KALRN: variants seen among roughly 807,000 people sequenced by gnomAD.
KALRN encodes the protein kalirin RhoGEF kinase, also known as kalirin.
Under a neutral mutation model 353.7 loss-of-function variants are expected in KALRN, and 70 were observed. The ratio of observed to expected loss-of-function variants is 0.20; its 90% CI spans 0.16 to 0.24. The LOEUF is 0.24. Among genes scored for constraint, KALRN ranks in the 10% least tolerant of loss-of-function variants. KALRN has a pLI of 1.00. For synonymous variants in KALRN, 1,391 were observed against 1,434.8 expected (o/e 0.97, Z 0.69); for missense variants, 2,791 against 3,756.7 (o/e 0.74, Z 6.72).
chr3:124,503,982 C>T (rs1178071197), intron 33 of KALRN, among the ~76,000 whole-genome samples: 1 of 152,154 alleles, frequency 6.6e-6, no homozygotes, highest in Non-Finnish European at 1.5e-5. Flanking sequence ...TCTGCAAAAG[C>T]AAGTAAGTTT....
intron 10 of KALRN, among the ~76,000 whole-genome samples, chr3:124,380,189 G>A (rs1560743672): frequency 6.6e-6 from 1 of 152,114 alleles, no homozygotes; most frequent in Non-Finnish European, 1.5e-5. Context: ...CCCACCCCTT[G>A]CCTTTAAAAA....
At chr3:124,142,660 G>A (rs1237448084) in intron 1 of KALRN, among the ~76,000 whole-genome samples, 5 of 152,036 alleles carry the variant, frequency 3.3e-5, no homozygotes, top group East Asian at 1.9e-4. Flanking sequence ...GAGCGGCTCC[G>A]TGGGGAGAGG....
intron 15 of KALRN, among the ~76,000 whole-genome samples, chr3:124,424,950 C>T (rs2092949395): frequency 6.6e-6 from 1 of 152,204 alleles, no homozygotes; most frequent in Admixed American, 6.5e-5. Flanking sequence ...CAAGGTCCTA[C>T]AGTTTGCCTC....
chr3:124,297,483 G>T (rs2076936247), intron 5 of KALRN, among the ~76,000 whole-genome samples: 1 of 152,216 alleles, frequency 6.6e-6, no homozygotes, highest in Non-Finnish European at 1.5e-5. Flanking sequence ...GGAGCCTCGA[G>T]CTGTGGCACA....
intron 1 of KALRN, among the ~76,000 whole-genome samples, chr3:124,056,100 A>G (rs1458735446): frequency 6.6e-6 from 1 of 152,248 alleles, no homozygotes; most frequent in Non-Finnish European, 1.5e-5. Context: ...TTCAAGCATC[A>G]GGACTTTTAA....
Position 124,658,448 on chromosome 3 carries a change from C to T in KALRN, c.6054C>T (p.Ile2018=), listed in dbSNP as rs778300301. The change falls in exon 42 of 60, where the codon ATC becomes ATT. Residue 2018 remains isoleucine, a synonymous_variant. Coordinates refer to ENST00000682506, the MANE Select transcript of KALRN (RefSeq NM_001388419.1). ...LFIKHERKLH[I]YVWYCQNKPR... ...TCTTTCAGGAGCGGAAGCTGCACAT[C>T]TACGTGTGGTATTGTCAGAATAAGC... The T allele has an allele frequency of 6.2e-6, 10 of 1,613,520 alleles. No individual in the cohort carries two copies. The highest frequency in any genetic ancestry group is 5.0e-5 in the Admixed American group (3 of 60,008).
chr3:124,617,635 T>C lies in KALRN; in HGVS notation c.5183-14785T>C, dbSNP rs1395611047. Among the ~76,000 whole-genome samples, 4 of 152,168 alleles carry C rather than the reference T, an allele frequency of 2.6e-5. No homozygotes were observed. The South Asian group carries it at 8.3e-4, about 32-fold the overall frequency. On this transcript the variant is annotated intron_variant, in intron 34 of 59. Coordinates refer to ENST00000682506, the MANE Select transcript of KALRN (RefSeq NM_001388419.1). ...TTATAGGACACTGGTCTTCAAACTC[T>C]GGTGCACATCAGAATTACTTGGGGA...
intron 56 of KALRN, among the ~76,000 whole-genome samples, chr3:124,701,107 C>G (rs1184784127): frequency 1.3e-5 from 2 of 152,168 alleles, no homozygotes; most frequent in Admixed American, 1.3e-4. Context: ...CTCACTTGCT[C>G]CAGCCCCGGA....
intron 11 of KALRN, among the ~76,000 whole-genome samples, chr3:124,393,292 A>G (rs2089729623): frequency 6.6e-6 from 1 of 151,938 alleles, no homozygotes; most frequent in Non-Finnish European, 1.5e-5. Context: ...TCTGTACAAT[A>G]TTTTTTCAGA....
intron 4 of KALRN, 77 bp from the exon 5 acceptor site, chr3:124,268,666 C>T: frequency 6.9e-7 from 1 of 1,447,444 alleles, no homozygotes; most frequent in South Asian, 1.2e-5. Flanking sequence ...TTTATCTTGT[C>T]CTTTCCCTCA....
At position 124,638,343 on chromosome 3, in the gene KALRN, A is replaced by C. The variant is rs551319394; in HGVS notation, c.5664+1040A>C. Among the ~76,000 whole-genome samples the C allele has an allele frequency of 2.3e-3, 352 of 152,094 alleles. 1 individual carries two copies. Among genetic ancestry groups the C allele is most frequent in the African/African-American group, 8.1e-3 (337 of 41,526 alleles). ...AAATTTTCCTTTCTAATTAAAAAAA[A>C]AAAAACAAAAACCTGCTGTTTTCAG... On this transcript the variant is annotated intron_variant, in intron 37 of 59. Coordinates refer to ENST00000682506, the MANE Select transcript of KALRN (RefSeq NM_001388419.1).
chr3:124,548,722 C>T (rs972500624), intron 33 of KALRN, among the ~76,000 whole-genome samples: 2 of 152,260 alleles, frequency 1.3e-5, no homozygotes, highest in Admixed American at 6.5e-5. Flanking sequence ...GGTGCAATCT[C>T]AGCTCACTGC....
intron 6 of KALRN, among the ~76,000 whole-genome samples, chr3:124,322,167 G>A (rs1580935993): frequency 6.6e-6 from 1 of 152,190 alleles, no homozygotes; most frequent in East Asian, 1.9e-4. Flanking sequence ...ACACTACTGG[G>A]CAGTGAGCAG....
intron 6 of KALRN, among the ~76,000 whole-genome samples, chr3:124,302,108 C>A (rs1312588225): frequency 6.6e-6 from 1 of 152,128 alleles, no homozygotes; most frequent in East Asian, 1.9e-4. Flanking sequence ...ATCAACCTCC[C>A]CAACTTAAGG....
intron 1 of KALRN, among the ~76,000 whole-genome samples, chr3:124,212,759 G>A (rs1235097344): frequency 1.3e-5 from 2 of 152,200 alleles, no homozygotes; most frequent in East Asian, 3.9e-4. Context: ...AATTAATGCT[G>A]AACCTTGCTA....
intron 17 of KALRN, among the ~76,000 whole-genome samples, chr3:124,437,492 C>A (rs2093512341): frequency 6.6e-6 from 1 of 152,184 alleles, no homozygotes; most frequent in Admixed American, 6.5e-5. Flanking sequence ...GGGTTCAAAA[C>A]CAGCCTGACA....
chr3:124,335,466 G>C (rs375566886), intron 9 of KALRN, among the ~76,000 whole-genome samples: 8 of 152,142 alleles, frequency 5.3e-5, no homozygotes, highest in South Asian at 2.1e-4. Context: ...TGCTACAAAT[G>C]CCCTTTCAGA....
intron 9 of KALRN, among the ~76,000 whole-genome samples, chr3:124,346,746 A>G (rs1377716829): frequency 6.6e-6 from 1 of 152,196 alleles, no homozygotes; most frequent in Non-Finnish European, 1.5e-5. Context: ...GTGACGGATG[A>G]GTAATGAGGG....
chr3:124,607,649 C>T (rs1220264912), intron 34 of KALRN, among the ~76,000 whole-genome samples: 4 of 152,216 alleles, frequency 2.6e-5, no homozygotes, highest in Non-Finnish European at 5.9e-5. Flanking sequence ...CTCATTCTCA[C>T]TCTGCTGCCC....
Sources: allele counts gnomAD v4.1 joint callset (sites outside exome capture counted in the v4.1 genomes callset), GRCh38; gene constraint gnomAD v4.1.1; transcripts MANE v1.5; gene names NCBI Gene and HGNC (gene_info 2026-07-23, HGNC 2026-07-21).